NCALD: variants seen among roughly 807,000 people sequenced by gnomAD.
NCALD encodes neurocalcin-delta.
In NCALD, 10 loss-of-function variants were observed where a neutral mutation model predicts 18.6. The ratio of observed to expected loss-of-function variants is 0.54; its 90% CI spans 0.33 to 0.91. The LOEUF (loss-of-function observed/expected upper bound fraction) is 0.91, where lower values mean the gene tolerates loss of function less well. Ranked by LOEUF, NCALD falls within the 40% of genes least tolerant of loss-of-function variation. NCALD has a pLI of 0.03. For missense variants in NCALD, 184 were observed against 247.6 expected (o/e 0.74, Z 1.72); for synonymous variants, 88 against 87.4 (o/e 1.01, Z -0.04).
At chr8:101,919,923 C>T (rs1255472692) in intron 2 of NCALD, among the ~76,000 whole-genome samples, 1 of 152,158 alleles carries the variant, frequency 6.6e-6, no homozygotes, top group African/African-American at 2.4e-5. Context: ...AATGCTTACA[C>T]ACTGTTGGTG....
At chr8:101,838,208 T>G (rs1379014725) in intron 4 of NCALD, among the ~76,000 whole-genome samples, 1 of 152,138 alleles carries the variant, frequency 6.6e-6, no homozygotes, top group Non-Finnish European at 1.5e-5. Flanking sequence ...AGTCATTGAA[T>G]AGTTAAGTGT....
intron 1 of NCALD, among the ~76,000 whole-genome samples, chr8:102,110,317 T>C (rs1362637264): frequency 1.3e-5 from 2 of 152,180 alleles, no homozygotes; most frequent in Non-Finnish European, 2.9e-5. Flanking sequence ...GCAACTAGTA[T>C]ATAATAATAT....
chr8:101,947,556 A>G (rs1203847837), intron 2 of NCALD, among the ~76,000 whole-genome samples: 1 of 152,252 alleles, frequency 6.6e-6, no homozygotes, highest in African/African-American at 2.4e-5. Flanking sequence ...CTGCATTGAC[A>G]TGGATAAATT....
intron 2 of NCALD, among the ~76,000 whole-genome samples, chr8:101,706,317 T>A (rs6992663): frequency 0.18 from 26,929 of 145,914 alleles, 2,808 homozygotes; most frequent in South Asian, 0.28. Flanking sequence ...TAAGACTATT[T>A]AAAAAAAAAA....
At chr8:101,698,161 T>TA (rs1815090788) in intron 2 of NCALD, among the ~76,000 whole-genome samples, 1 of 151,894 alleles carries the variant, frequency 6.6e-6, no homozygotes, top group Non-Finnish European at 1.5e-5. Flanking sequence ...GAGATCCAAA[T>TA]AAAAATGAAC....
intron 4 of NCALD, among the ~76,000 whole-genome samples, chr8:101,846,194 T>C (rs142586931): frequency 2.0e-3 from 309 of 152,286 alleles, no homozygotes; most frequent in East Asian, 7.7e-3. Flanking sequence ...AGCAGTGGGA[T>C]TGCTAGATCA....
chr8:101,994,868 C>G (rs1821180154), intron 2 of NCALD, among the ~76,000 whole-genome samples: 1 of 152,192 alleles, frequency 6.6e-6, no homozygotes, highest in Admixed American at 6.5e-5. Flanking sequence ...AGCTGGGTGA[C>G]CTTGAGTGGC....
chr8:102,117,779 G>A (rs1248465234), intron 1 of NCALD, among the ~76,000 whole-genome samples: 1 of 152,150 alleles, frequency 6.6e-6, no homozygotes, highest in Non-Finnish European at 1.5e-5. Context: ...AAAAAGTGGG[G>A]GATCTGAGCA....
intron 2 of NCALD, among the ~76,000 whole-genome samples, chr8:101,996,404 C>G (rs1821241044): frequency 6.6e-6 from 1 of 152,158 alleles, no homozygotes; most frequent in Non-Finnish European, 1.5e-5. Context: ...ATAAACTAAC[C>G]AAGGACACAA....
At chr8:102,025,570 C>A (rs1822425393) in intron 1 of NCALD, among the ~76,000 whole-genome samples, 1 of 152,210 alleles carries the variant, frequency 6.6e-6, no homozygotes, top group Non-Finnish European at 1.5e-5. Context: ...CCCAGCCATG[C>A]AGGTAGAAAA....
intron 1 of NCALD, among the ~76,000 whole-genome samples, chr8:102,084,774 G>T (rs1456185598): frequency 1.1e-4 from 17 of 152,184 alleles, no homozygotes. Flanking sequence ...GGAAGCAGCT[G>T]ATCACCACTT....
intron 2 of NCALD, among the ~76,000 whole-genome samples, chr8:101,936,459 T>C (rs1045366247): frequency 3.9e-5 from 6 of 152,034 alleles, no homozygotes; most frequent in African/African-American, 1.5e-4. Context: ...GGATCAGAGG[T>C]CCTAGAAGGC....
At chr8:101,924,234 C>A (rs1240768710) in intron 2 of NCALD, among the ~76,000 whole-genome samples, 1 of 152,122 alleles carries the variant, frequency 6.6e-6, no homozygotes, top group East Asian at 1.9e-4. Context: ...TCACCAATAC[C>A]ATTTAGCCAT....
chr8:101,829,975 T>G (rs985461523), intron 4 of NCALD, among the ~76,000 whole-genome samples: 1 of 19,678 alleles, frequency 5.1e-5, no homozygotes, highest in Admixed American at 4.0e-4. Context: ...GTCACATGGG[T>G]TTTTTTTTTT....
At chr8:101,918,970 T>C (rs1046860207) in intron 2 of NCALD, among the ~76,000 whole-genome samples, 12 of 152,148 alleles carry the variant, frequency 7.9e-5, no homozygotes, top group Admixed American at 2.6e-4. Context: ...CCTATCAAAC[T>C]ACCAACATCA....
chr8:101,737,461 C>T (rs920322316), intron 1 of NCALD, among the ~76,000 whole-genome samples: 6 of 152,210 alleles, frequency 3.9e-5, no homozygotes, highest in Admixed American at 2.6e-4. Flanking sequence ...CGGTTCCCTA[C>T]TGATGACAGA....
intron 4 of NCALD, among the ~76,000 whole-genome samples, chr8:101,800,496 G>A (rs1812798672): frequency 6.7e-6 from 1 of 149,970 alleles, no homozygotes; most frequent in Non-Finnish European, 1.5e-5. Flanking sequence ...AGAAAGAAAT[G>A]GTAAGATTAA....
rs1040429002 is a variant in NCALD, at chr8:102,043,071, A to G, written c.-209-22782T>C. Among the ~76,000 whole-genome samples, 10 of 151,916 alleles carry G rather than the reference A, an allele frequency of 6.6e-5. 1 individual carries two copies. The highest frequency in any genetic ancestry group is 1.0e-4 in the Non-Finnish European group (7 of 68,022). The stretch of plus-strand genomic sequence containing the variant: ...CCAGAACAGCTGAGATTTATCTTCA[A>G]TCTGCTCTGTCGATGCATTAAGACC... On this transcript the variant is annotated intron_variant, in intron 1 of 6. Transcript: ENST00000311028.
chr8:101,710,455 C>T (rs961136377), intron 2 of NCALD, among the ~76,000 whole-genome samples: 7 of 152,202 alleles, frequency 4.6e-5, no homozygotes, highest in Non-Finnish European at 7.3e-5. Context: ...GCCAGGGAGC[C>T]AAGTGGTCTT....
Sources: allele counts gnomAD v4.1 joint callset (sites outside exome capture counted in the v4.1 genomes callset), GRCh38; gene constraint gnomAD v4.1.1; transcripts MANE v1.5; gene names NCBI Gene and HGNC (gene_info 2026-07-23, HGNC 2026-07-21).